Variants in LAMA1 observed in about 807,000 individuals in gnomAD.
LAMA1 encodes laminin subunit alpha-1.
LAMA1 carries 219 observed loss-of-function variants against 348.7 expected under a neutral mutation model. The observed-to-expected ratio is 0.63, with a 90% CI of 0.56 to 0.70. LAMA1 has a LOEUF of 0.70. Ranked by LOEUF, LAMA1 falls within the 30% of genes least tolerant of loss-of-function variation. LAMA1 has a pLI of 0.00. For missense variants in LAMA1, 3,744 were observed against 3,888.0 expected, an observed-to-expected ratio of 0.96 and a Z score of 0.99; for synonymous variants, 1,487 against 1,491.0, an observed-to-expected ratio of 1.00 and a Z score of 0.06.
In LAMA1 at chr18:6,942,212, C is replaced by T. The variant is rs1568000139; in HGVS notation, c.9095G>A (p.Ser3032Asn). The change falls in exon 63 of 63, where the codon AGC (serine) becomes AAC (asparagine). Residue 3032 changes from serine (S) to asparagine (N), a missense_variant. By Grantham distance (46) the Ser-to-Asn change is conservative (BLOSUM62 1). Coordinates refer to ENST00000389658, the MANE Select transcript of LAMA1 (RefSeq NM_005559.4). ...CAAACACCCGCGGAACGAGGTCTGG[C>T]TGCGCAGGCATTTTTGCTTCACACC... ...PAGVKQKCLRSQTSFRGCLRK... is the reference protein window; with the variant it reads ...PAGVKQKCLRNQTSFRGCLRK... The T allele has an allele frequency of 6.2e-7, 1 of 1,614,138 alleles. No homozygotes were observed.
intron 55 of LAMA1, 136 bp downstream of exon 55, chr18:6,958,341 C>A (rs1426457752): frequency 3.6e-6 from 3 of 842,130 alleles, no homozygotes; most frequent in Non-Finnish European, 4.0e-6. Context: ...CATGATAGAA[C>A]AATGGGGTTC....
Position 7,052,942 on chromosome 18 carries a change from C to T in LAMA1, c.346-2006G>A, listed in dbSNP as rs150158772. Among the ~76,000 whole-genome samples, 445 of 152,228 alleles carry T rather than the reference C, an allele frequency of 2.9e-3. 5 individuals carry two copies. The highest frequency in any genetic ancestry group is 0.01 in the African/African-American group (418 of 41,534). On this transcript the variant is annotated intron_variant, in intron 3 of 62. Coordinates refer to ENST00000389658, the MANE Select transcript of LAMA1 (RefSeq NM_005559.4). The stretch of plus-strand genomic sequence containing the variant: ...GGCTGAGGCAGGAGAATCGCTTGAA[C>T]CCAGGAGGCGGAGGTTGTAGTGAGC...
At chr18:6,996,103 T>C (rs534437622) in intron 33 of LAMA1, among the ~76,000 whole-genome samples, 8 of 152,268 alleles carry the variant, frequency 5.3e-5, no homozygotes, top group East Asian at 1.9e-4. Context: ...ATCGTGTATA[T>C]AGTGATTGGA....
At chr18:7,014,108 A>T (rs969907601) in intron 22 of LAMA1, 57 bp from the exon 23 acceptor site, 4 of 1,304,808 alleles carry the variant, frequency 3.1e-6, no homozygotes, top group African/African-American at 2.9e-5. Flanking sequence ...TTCCAAATGC[A>T]CACATATTTG....
At chr18:7,110,898 C>G (rs1022723330) in intron 1 of LAMA1, among the ~76,000 whole-genome samples, 1 of 143,104 alleles carries the variant, frequency 7.0e-6, no homozygotes, top group Non-Finnish European at 1.5e-5. Context: ...TCCCCCCCCC[C>G]ACTTCTAATT....
intron 1 of LAMA1, among the ~76,000 whole-genome samples, chr18:7,085,567 C>T (rs752750223): frequency 2.3e-4 from 35 of 151,842 alleles, no homozygotes; most frequent in South Asian, 8.3e-4. Context: ...TATAGGCACC[C>T]GCCACCAAGC....
At chr18:7,097,319 A>C (rs2058265668) in intron 1 of LAMA1, among the ~76,000 whole-genome samples, 1 of 152,194 alleles carries the variant, frequency 6.6e-6, no homozygotes, top group African/African-American at 2.4e-5. Context: ...AGAAAAATTC[A>C]ATGAAAGAAA....
intron 19 of LAMA1, among the ~76,000 whole-genome samples, chr18:7,018,336 C>CAAAAAAAAA (rs764975447): frequency 1.1e-4 from 5 of 44,190 alleles, no homozygotes; most frequent in African/African-American, 3.0e-4. Flanking sequence ...AACTCCATCT[C>CAAAAAAAAA]AAAAAAAAAA....
In LAMA1 at chr18:6,943,249, C is replaced by T. The variant is rs369082897; in HGVS notation, c.8998G>A (p.Ala3000Thr). The change falls in exon 62 of 63, where the codon GCT (alanine) becomes ACT (threonine). Residue 3000 changes from alanine (A) to threonine (T), a missense_variant. By Grantham distance (58) the Ala-to-Thr change is moderately conservative. This residue lies in a region of LAMA1 where 232 missense variants were observed against 264.4 expected (regional missense o/e 0.88). Coordinates refer to ENST00000389658, the MANE Select transcript of LAMA1 (RefSeq NM_005559.4). ...GTAGACTGGGTGTGTGGACTTTCAG[C>T]GCCAACTGCGTTCCCGTCAACAATC... ...TLIVDGNAVG[A>T]ESPHTQSTSV... 123 of 1,614,052 alleles carry T rather than the reference C, an allele frequency of 7.6e-5. No homozygotes were observed. The highest frequency in any genetic ancestry group is 9.0e-5 in the Non-Finnish European group (106 of 1,180,048).
At chr18:7,049,002 A>C (rs2144198630) in intron 5 of LAMA1, 76 bp downstream of exon 5, 1 of 1,425,030 alleles carries the variant, frequency 7.0e-7, no homozygotes, top group African/African-American at 1.4e-5. Flanking sequence ...CAAAAAGGAA[A>C]GAAGAAAAAT....
chr18:7,062,876 T>C lies in LAMA1; in HGVS notation c.346-11940A>G, dbSNP rs191781838. On this transcript the variant is annotated intron_variant, in intron 3 of 62. Transcript: ENST00000389658. ...TCACATTGACCTGTTTTTGCTCCAG[T>C]TGATGGAGCGATGGTGAAGAGCTTA... Among the ~76,000 whole-genome samples, 609 of 152,306 alleles carry C rather than the reference T, an allele frequency of 4.0e-3. 2 individuals carry two copies. Among genetic ancestry groups the C allele is most frequent in the Middle Eastern group, 0.027 (8 of 294 alleles).
intron 60 of LAMA1, among the ~76,000 whole-genome samples, 156 bp from the exon 61 acceptor site, chr18:6,947,452 C>T (rs974246040): frequency 7.9e-5 from 12 of 152,164 alleles, no homozygotes; most frequent in Admixed American, 1.3e-4. Flanking sequence ...CTCTGAGCCT[C>T]GGCTTCCACA....
chr18:7,018,965 G>T (rs2057902914), intron 19 of LAMA1, among the ~76,000 whole-genome samples: 1 of 152,104 alleles, frequency 6.6e-6, no homozygotes, highest in Admixed American at 6.5e-5. Context: ...CCCACGAGAG[G>T]CCCCATTCAC....
In LAMA1 at chr18:6,961,058, G is replaced by A. The variant is rs1426415349; in HGVS notation, c.7626+528C>T. The stretch of plus-strand genomic sequence containing the variant: ...AGACACAAATTTGAGCAGAGGATGG[G>A]GAAATATCACCTATGCTCTTGAAAA... On this transcript the variant is annotated intron_variant, in intron 53 of 62. Coordinates refer to ENST00000389658, the MANE Select transcript of LAMA1 (RefSeq NM_005559.4). Among the ~76,000 whole-genome samples the A allele has an allele frequency of 2.0e-5, 3 of 152,278 alleles. No homozygotes were observed. The East Asian group carries it at 5.8e-4, about 29-fold the overall frequency.
chr18:6,962,178 T>C (rs753466152), intron 51 of LAMA1, 119 bp from the exon 52 acceptor site: 6 of 745,684 alleles, frequency 8.0e-6, no homozygotes, highest in Non-Finnish European at 1.5e-5. Flanking sequence ...TCCCAGCACT[T>C]TGGAAGGCTG....
At chr18:6,994,092 G>A (rs1252155247) in intron 34 of LAMA1, among the ~76,000 whole-genome samples, 1 of 152,148 alleles carries the variant, frequency 6.6e-6, no homozygotes, top group Non-Finnish European at 1.5e-5. Flanking sequence ...ACAGAATATA[G>A]AAAGTAAACC....
At chr18:7,084,549 A>G (rs1428033601) in intron 1 of LAMA1, among the ~76,000 whole-genome samples, 1 of 152,174 alleles carries the variant, frequency 6.6e-6, no homozygotes, top group Non-Finnish European at 1.5e-5. Context: ...TCCACTCAGG[A>G]CACACAATGG....
chr18:6,957,937 C>A (rs1310893046), intron 55 of LAMA1, among the ~76,000 whole-genome samples: 1 of 152,096 alleles, frequency 6.6e-6, no homozygotes, highest in Non-Finnish European at 1.5e-5. Flanking sequence ...CCTGCCACCA[C>A]ACCCGGCTAA....
chr18:6,976,466 T>G (rs1294084296), intron 44 of LAMA1, among the ~76,000 whole-genome samples: 3 of 152,184 alleles, frequency 2.0e-5, no homozygotes, highest in African/African-American at 7.2e-5. Context: ...CAGCAGATAT[T>G]TATAGAGCAA....
Sources: gnomAD v4.1 joint callset for allele counts (sites outside exome capture counted in the v4.1 genomes callset) on GRCh38, gnomAD v4.1.1 for gene constraint, gnomAD v4.1.1 regional missense constraint, MANE v1.5 for transcripts, NCBI Gene and HGNC (gene_info 2026-07-23, HGNC 2026-07-21) for gene names.